The following ENTREP2 variants were observed in gnomAD, a reference collection of about 807,000 sequenced individuals.
ENTREP2 encodes the protein protein ENTREP2.
chr15:29,306,065 G>C, the ENTREP2 span, among the ~76,000 whole-genome samples: 1 of 152,262 alleles, frequency 6.6e-6, no homozygotes, highest in Admixed American at 6.5e-5. Context: ...ATCACTGACT[G>C]CGGGATTTGG....
the ENTREP2 span, among the ~76,000 whole-genome samples, chr15:29,348,433 T>A: frequency 1.8e-4 from 27 of 152,224 alleles, no homozygotes; most frequent in South Asian, 4.6e-3. Context: ...GGAACAATGT[T>A]CCCGACTCAG....
chr15:29,168,089 G>A, the ENTREP2 span, among the ~76,000 whole-genome samples: 2 of 152,166 alleles, frequency 1.3e-5, no homozygotes, highest in East Asian at 1.9e-4. Context: ...ACCAAACATC[G>A]TACGTTCTCA....
chr15:29,467,036 C>G, the ENTREP2 span, among the ~76,000 whole-genome samples: 3 of 145,888 alleles, frequency 2.1e-5, no homozygotes, highest in Admixed American at 6.8e-5. Flanking sequence ...GGGGTGGATG[C>G]TGATGGCCCC....
the ENTREP2 span, among the ~76,000 whole-genome samples, chr15:29,403,943 C>T: frequency 2.0e-5 from 3 of 152,194 alleles, no homozygotes; most frequent in Non-Finnish European, 4.4e-5. Flanking sequence ...CTGGCCGCTG[C>T]AGGGCCCGCA....
chr15:29,259,580 A>G, the ENTREP2 span, among the ~76,000 whole-genome samples: 2 of 152,160 alleles, frequency 1.3e-5, no homozygotes, highest in Non-Finnish European at 2.9e-5. Context: ...CACACAGGCC[A>G]ATCCCTACTT....
At chr15:29,653,705 C>A in the ENTREP2 span, among the ~76,000 whole-genome samples, 5 of 151,118 alleles carry the variant, frequency 3.3e-5, no homozygotes, top group African/African-American at 1.2e-4. Flanking sequence ...GTCAATTAAA[C>A]CTCTTTCCTT....
the ENTREP2 span, among the ~76,000 whole-genome samples, chr15:29,223,958 C>T: frequency 5.3e-5 from 8 of 152,316 alleles, no homozygotes; most frequent in South Asian, 2.1e-4. Context: ...TGCCTGTGAA[C>T]ACAGATAGCT....
chr15:29,184,074 T>C, the ENTREP2 span, among the ~76,000 whole-genome samples: 1 of 152,064 alleles, frequency 6.6e-6, no homozygotes, highest in Non-Finnish European at 1.5e-5. Flanking sequence ...AGCCTCAACC[T>C]CTCAGGCTCA....
At chr15:29,314,984 G>A in the ENTREP2 span, among the ~76,000 whole-genome samples, 5 of 152,254 alleles carry the variant, frequency 3.3e-5, no homozygotes, top group East Asian at 1.9e-4. Context: ...CCTGGCAGGC[G>A]GAGGTTGCAG....
the ENTREP2 span, among the ~76,000 whole-genome samples, chr15:29,211,920 T>C: frequency 6.6e-6 from 1 of 152,238 alleles, no homozygotes; most frequent in African/African-American, 2.4e-5. Context: ...TCATCAAGAA[T>C]ATAGGTCTGT....
chr15:29,288,946 G>A, the ENTREP2 span, among the ~76,000 whole-genome samples: 1 of 152,126 alleles, frequency 6.6e-6, no homozygotes, highest in Admixed American at 6.5e-5. Flanking sequence ...AGAGGCTCAC[G>A]CCTGTAATTC....
the ENTREP2 span, chr15:29,452,803 A>T: frequency 7.3e-6 from 1 of 136,574 alleles, no homozygotes; most frequent in African/African-American, 2.7e-5. Context: ...TTAAAGCAAA[A>T]CCCAAAAGCA....
At chr15:29,136,716 C>T in the ENTREP2 span, among the ~76,000 whole-genome samples, 1 of 151,712 alleles carries the variant, frequency 6.6e-6, no homozygotes, top group Middle Eastern at 3.4e-3. Flanking sequence ...ACTCTACTGA[C>T]CTGTCCATTA....
chr15:29,154,165 C>A, the ENTREP2 span, among the ~76,000 whole-genome samples: 1 of 152,138 alleles, frequency 6.6e-6, no homozygotes, highest in African/African-American at 2.4e-5. Context: ...TTAGTTCTAA[C>A]AATTTTTTGA....
the ENTREP2 span, among the ~76,000 whole-genome samples, chr15:29,644,856 A>T: frequency 1.3e-5 from 2 of 151,574 alleles, no homozygotes; most frequent in African/African-American, 4.8e-5. Flanking sequence ...AGAAAAAGAA[A>T]AGTAAAGAAG....
At chr15:29,629,562 T>C in the ENTREP2 span, among the ~76,000 whole-genome samples, 514 of 152,330 alleles carry the variant, frequency 3.4e-3, 4 homozygotes, top group African/African-American at 0.012. Flanking sequence ...GTGTAGAAAC[T>C]TTACTTCCCT....
the ENTREP2 span, among the ~76,000 whole-genome samples, chr15:29,564,265 G>A: frequency 8.5e-5 from 13 of 152,216 alleles, no homozygotes; most frequent in Admixed American, 8.5e-4. Flanking sequence ...CTTGCCTCTA[G>A]TCCTTTGCTC....
chr15:29,154,392 G>C, the ENTREP2 span, among the ~76,000 whole-genome samples: 1 of 151,912 alleles, frequency 6.6e-6, no homozygotes, highest in Admixed American at 6.6e-5. Flanking sequence ...ACTTGATGGA[G>C]TTTTAACAGT....
the ENTREP2 span, among the ~76,000 whole-genome samples, chr15:29,366,888 T>A: frequency 6.6e-6 from 1 of 152,108 alleles, no homozygotes; most frequent in Non-Finnish European, 1.5e-5. Context: ...TGATTCCTAT[T>A]TTAGGACAGC....
Sources: allele counts gnomAD v4.1 joint callset (sites outside exome capture counted in the v4.1 genomes callset), GRCh38; gene constraint gnomAD v4.1.1; transcripts MANE v1.5; gene names NCBI Gene and HGNC (gene_info 2026-07-23, HGNC 2026-07-21).